Variants in LRRC37A2 observed in about 807,000 individuals in gnomAD.
LRRC37A2 encodes leucine-rich repeat-containing protein 37A2.
Under a neutral mutation model 68.8 loss-of-function variants are expected in LRRC37A2, and 9 were observed. The ratio of observed to expected loss-of-function variants is 0.13; its 90% CI spans 0.08 to 0.23. LRRC37A2 has a LOEUF of 0.23. Ranked by LOEUF, LRRC37A2 falls within the 10% of genes least tolerant of loss-of-function variation. The pLI, the probability that LRRC37A2 is intolerant of heterozygous loss-of-function variation, is 1.00. For synonymous variants in LRRC37A2, 63 were observed against 367.6 expected, an observed-to-expected ratio of 0.17 and a Z score of 9.48; for missense variants, 168 against 950.4, an observed-to-expected ratio of 0.18 and a Z score of 10.82.
the LRRC37A2 span, among the ~76,000 whole-genome samples, chr17:46,979,684 G>A: frequency 6.6e-6 from 1 of 151,702 alleles, no homozygotes; most frequent in Non-Finnish European, 1.5e-5. Context: ...GCTTTCCCGG[G>A]GTGAAAGCTG....
chr17:46,768,466 C>G, the LRRC37A2 span: 1 of 1,614,172 alleles, frequency 6.2e-7, no homozygotes, highest in South Asian at 1.1e-5. The surrounding 1 kb of genome is among the most constrained non-coding windows in gnomAD (Gnocchi z 5.0). Flanking sequence ...TCGCAGCCAT[C>G]GATGCCGTGG....
the LRRC37A2 span, among the ~76,000 whole-genome samples, chr17:46,784,663 G>A: frequency 2.0e-5 from 3 of 152,148 alleles, no homozygotes; most frequent in African/African-American, 7.2e-5. Flanking sequence ...GCCCAGGTCT[G>A]GCTTGTGTTT....
the LRRC37A2 span, among the ~76,000 whole-genome samples, chr17:46,842,724 T>C: frequency 4.6e-5 from 7 of 152,188 alleles, no homozygotes; most frequent in Non-Finnish European, 1.0e-4. Flanking sequence ...AATTCCTGGA[T>C]CCTACAGAGT....
At chr17:46,820,491 G>C in the LRRC37A2 span, among the ~76,000 whole-genome samples, 1 of 152,008 alleles carries the variant, frequency 6.6e-6, no homozygotes, top group Non-Finnish European at 1.5e-5. Flanking sequence ...GGGGGGAGGC[G>C]GAGAGCACCA....
the LRRC37A2 span, among the ~76,000 whole-genome samples, chr17:46,862,670 C>A: frequency 6.6e-6 from 1 of 152,268 alleles, no homozygotes; most frequent in South Asian, 2.1e-4. Flanking sequence ...ACAACCTCTG[C>A]CTCCCAGGTT....
At chr17:46,891,524 G>T in the LRRC37A2 span, among the ~76,000 whole-genome samples, 5 of 152,166 alleles carry the variant, frequency 3.3e-5, no homozygotes, top group African/African-American at 1.2e-4. Context: ...AGATCTGAGA[G>T]GCTTCCAAGG....
At chr17:46,765,465 A>C in the LRRC37A2 span, among the ~76,000 whole-genome samples, 1 of 152,238 alleles carries the variant, frequency 6.6e-6, no homozygotes, top group Non-Finnish European at 1.5e-5. Context: ...TTTTCCCCAC[A>C]AAGGAAGGAC....
At chr17:46,756,393 C>T in the LRRC37A2 span, 1 of 152,222 alleles carries the variant, frequency 6.6e-6, no homozygotes, top group East Asian at 1.9e-4. Context: ...ATGCTGTTCT[C>T]AATCATTGTC....
the LRRC37A2 span, chr17:47,018,663 C>G: frequency 6.6e-7 from 1 of 1,520,212 alleles, no homozygotes; most frequent in Non-Finnish European, 9.1e-7. Flanking sequence ...TAATGAGAAC[C>G]CCTCTCCAAC....
the LRRC37A2 span, among the ~76,000 whole-genome samples, chr17:46,737,947 T>TTAG: frequency 1.4e-5 from 2 of 146,080 alleles, no homozygotes; most frequent in African/African-American, 5.2e-5. Flanking sequence ...ATTATTATTA[T>TTAG]TATTAGAGAT....
rs1287062924 is a variant in LRRC37A2, at chr17:46,520,705, G to C, written c.2753+422G>C. ...AAAGAAAAGAAACAAAGAAATATGC[G>C]AGAGATCATATGTGGCCCATAAAAC... On this transcript the variant is annotated intron_variant, in intron 4 of 14. Transcript: ENST00000576629. Among the ~76,000 whole-genome samples the C allele has an allele frequency of 1.6e-4, 5 of 31,860 alleles. 2 individuals are homozygous for C. The highest frequency in any genetic ancestry group is 6.3e-4 in the African/African-American group (5 of 7,980). 20.9% of individuals were successfully genotyped at this position (31,860 alleles called of 152,430 possible).
chr17:46,767,685 G>T, the LRRC37A2 span, among the ~76,000 whole-genome samples: 1 of 152,206 alleles, frequency 6.6e-6, no homozygotes, highest in Non-Finnish European at 1.5e-5. Context: ...ACAGCTAGCA[G>T]CTATGCAAAA....
chr17:46,812,486 C>T, the LRRC37A2 span, among the ~76,000 whole-genome samples: 4 of 152,192 alleles, frequency 2.6e-5, no homozygotes, highest in South Asian at 8.3e-4. Flanking sequence ...GTGCCACTCC[C>T]CCTGGGAAGC....
At chr17:46,886,965 C>G in the LRRC37A2 span, among the ~76,000 whole-genome samples, 1 of 152,054 alleles carries the variant, frequency 6.6e-6, no homozygotes, top group Admixed American at 6.6e-5. Context: ...TACAGGCGTG[C>G]ACCACTATAC....
At chr17:46,953,721 G>T in the LRRC37A2 span, among the ~76,000 whole-genome samples, 1 of 152,232 alleles carries the variant, frequency 6.6e-6, no homozygotes, top group African/African-American at 2.4e-5. Flanking sequence ...ACTTTTTAAT[G>T]ATCGCCATTC....
chr17:46,896,075 G>A, the LRRC37A2 span, among the ~76,000 whole-genome samples: 3 of 151,984 alleles, frequency 2.0e-5, no homozygotes, highest in African/African-American at 4.8e-5. Context: ...TCAGGAGATC[G>A]AGACCATCCT....
the LRRC37A2 span, among the ~76,000 whole-genome samples, chr17:47,025,230 A>G: frequency 6.6e-6 from 1 of 152,202 alleles, no homozygotes; most frequent in East Asian, 1.9e-4. Context: ...GACCTTCACA[A>G]AAAAAATTTC....
chr17:46,497,434 A>G, the LRRC37A2 span, among the ~76,000 whole-genome samples: 1 of 142,034 alleles, frequency 7.0e-6, no homozygotes, highest in Non-Finnish European at 1.5e-5. Context: ...ATGTTTTATT[A>G]ATTGGCTTTT....
chr17:46,626,122 T>A, the LRRC37A2 span, among the ~76,000 whole-genome samples: 1 of 138,106 alleles, frequency 7.2e-6, no homozygotes, highest in Non-Finnish European at 1.5e-5. Context: ...TTTTTTTTTT[T>A]ATTTTGTAGG....
Sources: gnomAD v4.1 joint callset for allele counts (sites outside exome capture counted in the v4.1 genomes callset) on GRCh38, gnomAD v4.1.1 for gene constraint, Gnocchi (gnomAD v3.1) non-coding constraint, MANE v1.5 for transcripts, NCBI Gene and HGNC (gene_info 2026-07-23, HGNC 2026-07-21) for gene names.